Variants in COL24A1 observed in about 807,000 individuals in gnomAD.
COL24A1 encodes collagen type XXIV alpha 1 chain.
Under a neutral mutation model 253.9 loss-of-function variants are expected in COL24A1, and 224 were observed. The ratio of observed to expected loss-of-function variants is 0.88; its 90% confidence interval spans 0.79 to 0.99. COL24A1 has a LOEUF of 0.99. Among genes scored for constraint, COL24A1 ranks in the 50% least tolerant of loss-of-function variants. The pLI is 0.00. For synonymous variants in COL24A1, 685 were observed against 673.7 expected, an observed-to-expected ratio of 1.02 and a Z score of -0.26; for missense variants, 2,131 against 2,068.5, an observed-to-expected ratio of 1.03 and a Z score of -0.59.
intron 48 of COL24A1, 92 bp from the exon 49 acceptor site, chr1:85,784,458 G>T: frequency 1.2e-6 from 1 of 853,088 alleles, no homozygotes; most frequent in Non-Finnish European, 1.9e-6. Flanking sequence ...CCATCCTTAG[G>T]CCCATTCCAT....
intron 47 of COL24A1, among the ~76,000 whole-genome samples, chr1:85,805,576 C>A (rs1363653903): frequency 6.6e-6 from 1 of 152,038 alleles, no homozygotes; most frequent in Admixed American, 6.5e-5. Context: ...TTTTAGACTG[C>A]CTTTGTCGTT....
At chr1:85,994,204 A>C (rs1463979915) in intron 19 of COL24A1, among the ~76,000 whole-genome samples, 1 of 152,030 alleles carries the variant, frequency 6.6e-6, no homozygotes, top group East Asian at 1.9e-4. Flanking sequence ...AAAAGCTAAA[A>C]GATAAAATTA....
intron 47 of COL24A1, among the ~76,000 whole-genome samples, chr1:85,802,809 C>T (rs1053774845): frequency 6.6e-6 from 1 of 152,148 alleles, no homozygotes; most frequent in Non-Finnish European, 1.5e-5. Flanking sequence ...GAAATCTCTA[C>T]AATTTTATAC....
chr1:85,978,046 C>T lies in COL24A1; in HGVS notation c.2365-6653G>A, dbSNP rs561463804. ...AGCAGATTCCTCAGCAGAAACCCTACAAGCCAGAAGGGATTGGGGTCCTAT... is the reference window on the plus strand; with the variant it reads ...AGCAGATTCCTCAGCAGAAACCCTATAAGCCAGAAGGGATTGGGGTCCTAT... On this transcript the variant is annotated intron_variant, in intron 20 of 59. Coordinates refer to ENST00000370571, the MANE Select transcript of COL24A1 (RefSeq NM_152890.7). Among the ~76,000 whole-genome samples the T allele has an allele frequency of 4.6e-5, 7 of 152,276 alleles. No individual in the cohort carries two copies. The South Asian group carries it at 1.4e-3, about 32-fold the overall frequency.
At chr1:85,849,822 T>A (rs1302012370) in intron 37 of COL24A1, among the ~76,000 whole-genome samples, 1 of 152,206 alleles carries the variant, frequency 6.6e-6, no homozygotes, top group East Asian at 1.9e-4. Flanking sequence ...TACTGGGAGC[T>A]CAGCATCTTG....
At chr1:86,143,027 A>G (rs1252877327) in intron 2 of COL24A1, among the ~76,000 whole-genome samples, 1 of 152,224 alleles carries the variant, frequency 6.6e-6, no homozygotes, top group Admixed American at 6.5e-5. Flanking sequence ...ATTCTGAGGG[A>G]ATAATATTTA....
rs540234121 is a variant in COL24A1 at position 85,788,415 on chromosome 1, G to GT, written c.3952-1955dup. Among the ~76,000 whole-genome samples, 92 of 152,230 alleles carry GT rather than the reference G, an allele frequency of 6.0e-4. 1 individual carries two copies. In the East Asian group the frequency reaches 0.011, roughly 19 times the overall value. The stretch of plus-strand genomic sequence containing the variant: ...CCTTTGCCCACTTTTTAATGAGGTT[G>GT]TTTTTTTCTTGTAAATTTGCTTAAG... On this transcript the variant is annotated intron_variant, in intron 47 of 59. Transcript: ENST00000370571.
At chr1:85,849,454 G>A (rs1677509786) in intron 37 of COL24A1, 48 bp from the exon 38 acceptor site, 2 of 1,381,978 alleles carry the variant, frequency 1.4e-6, no homozygotes, top group Middle Eastern at 1.8e-4. Flanking sequence ...AAGAAAAGAT[G>A]AGATGGAGTA....
intron 24 of COL24A1, among the ~76,000 whole-genome samples, chr1:85,941,570 A>G (rs1482989802): frequency 2.0e-5 from 3 of 152,178 alleles, no homozygotes; most frequent in Admixed American, 2.0e-4. Flanking sequence ...AAAAGCATTC[A>G]GTTATTTAGA....
At chr1:86,147,478 G>A (rs1287362836) in intron 1 of COL24A1, among the ~76,000 whole-genome samples, 1 of 152,154 alleles carries the variant, frequency 6.6e-6, no homozygotes, top group Non-Finnish European at 1.5e-5. Context: ...AATCATTGCA[G>A]AGATTTCAGC....
chr1:86,020,657 A>C (rs1697446517), intron 18 of COL24A1, among the ~76,000 whole-genome samples: 1 of 152,212 alleles, frequency 6.6e-6, no homozygotes, highest in Non-Finnish European at 1.5e-5. Flanking sequence ...GTGCCCTTAG[A>C]GCATGTATTG....
At chr1:86,029,531 C>T (rs758124896) in intron 14 of COL24A1, among the ~76,000 whole-genome samples, 1 of 152,012 alleles carries the variant, frequency 6.6e-6, no homozygotes, top group Admixed American at 6.6e-5. Context: ...CCCAAGATGG[C>T]AAGTTAAAGC....
intron 5 of COL24A1, among the ~76,000 whole-genome samples, chr1:86,098,560 C>T (rs1035145505): frequency 1.4e-4 from 22 of 152,112 alleles, no homozygotes; most frequent in African/African-American, 4.8e-4. Flanking sequence ...TAGCCACATC[C>T]TTTTAGAAGA....
chr1:85,898,903 A>G (rs1684020594), intron 28 of COL24A1, among the ~76,000 whole-genome samples: 1 of 152,228 alleles, frequency 6.6e-6, no homozygotes, highest in Non-Finnish European at 1.5e-5. Context: ...GACACCTAAA[A>G]GAGGTAAGAT....
chr1:86,010,574 A>G (rs532928816), intron 19 of COL24A1, among the ~76,000 whole-genome samples: 1 of 152,296 alleles, frequency 6.6e-6, no homozygotes, highest in South Asian at 2.1e-4. Flanking sequence ...CTTTCGACAT[A>G]GCAATCCAAT....
chr1:85,856,379 C>G (rs1678441950), intron 37 of COL24A1, among the ~76,000 whole-genome samples: 2 of 152,106 alleles, frequency 1.3e-5, no homozygotes, highest in Admixed American at 1.3e-4. Flanking sequence ...CCCAGAGATT[C>G]TTGTATGTTG....
At chr1:86,089,974 G>A (rs964440654) in intron 6 of COL24A1, among the ~76,000 whole-genome samples, 2 of 152,182 alleles carry the variant, frequency 1.3e-5, no homozygotes, top group Admixed American at 6.5e-5. Context: ...GGGCTGTGGT[G>A]GGACCAGCTA....
At chr1:85,851,471 G>T (rs1341470510) in intron 37 of COL24A1, among the ~76,000 whole-genome samples, 1 of 152,144 alleles carries the variant, frequency 6.6e-6, no homozygotes, top group Admixed American at 6.5e-5. Context: ...CCCTGGAATT[G>T]AATTGCTGGG....
At chr1:86,134,014 C>T (rs901943190) in intron 2 of COL24A1, among the ~76,000 whole-genome samples, 25 of 151,984 alleles carry the variant, frequency 1.6e-4, no homozygotes, top group African/African-American at 5.6e-4. Flanking sequence ...TTAATTATTG[C>T]CTCAATTTCA....
Sources: allele counts gnomAD v4.1 joint callset (sites outside exome capture counted in the v4.1 genomes callset), GRCh38; gene constraint gnomAD v4.1.1; transcripts MANE v1.5; gene names NCBI Gene and HGNC (gene_info 2026-07-23, HGNC 2026-07-21).